GOSR2: variants seen among roughly 807,000 people sequenced by gnomAD.
GOSR2 encodes golgi SNAP receptor complex member 2, also known as 27 kDa Golgi SNARE protein.
A neutral mutation model predicts 27.9 loss-of-function variants in GOSR2; 20 were observed. That is an observed-to-expected ratio of 0.72 (90% confidence interval 0.50 to 1.04). The LOEUF is 1.04. Among genes scored for constraint, GOSR2 ranks in the 50% least tolerant of loss-of-function variants. GOSR2 has a pLI of 0.00. For synonymous variants in GOSR2, 91 were observed against 98.8 expected (o/e 0.92, Z 0.47); for missense variants, 261 against 270.5 (o/e 0.97, Z 0.25).
At position 46,942,011 on chromosome 17, in the gene GOSR2, T is replaced by A. The variant is rs2089347491; in HGVS notation, c.*3251T>A. On this transcript the variant is annotated 3_prime_UTR_variant, in exon 6 of 6. Transcript: ENST00000640051. Reference sequence around the variant, plus strand: ...TAAGTCCAAAATAAATTCTTACTGTTTATATCCTACCTTAGTCCAAAAAAG... The same window carrying A: ...TAAGTCCAAAATAAATTCTTACTGTATATATCCTACCTTAGTCCAAAAAAG... 1.1e-6 allele frequency: 1 copy of A among 948,854 alleles called. No homozygotes were observed. Among genetic ancestry groups the A allele is most frequent in the Non-Finnish European group, 1.3e-6 (1 of 796,654 alleles). 58.8% of individuals were successfully genotyped at this position (948,854 alleles called of 1,614,324 possible). A position where few individuals can be genotyped will look rare whatever the true frequency, so the allele number is the denominator to read the frequency against.
intron 6 of GOSR2, among the ~76,000 whole-genome samples, chr17:46,961,313 G>C (rs2091036956): frequency 6.6e-6 from 1 of 152,178 alleles, no homozygotes; most frequent in Non-Finnish European, 1.5e-5. Context: ...TGAGGCAGGA[G>C]GATCTCTTGA....
At chr17:46,932,249 G>T in intron 4 of GOSR2, 50 bp downstream of exon 4, 1 of 1,609,884 alleles carries the variant, frequency 6.2e-7, no homozygotes, top group Middle Eastern at 1.7e-4. Context: ...AGATCGTGGG[G>T]GCTGGAGTTC....
downstream of GOSR2, among the ~76,000 whole-genome samples, chr17:46,943,136 C>G (rs1262758728): frequency 3.9e-5 from 6 of 152,180 alleles, no homozygotes; most frequent in Admixed American, 3.9e-4. Context: ...AGAACATCAA[C>G]CCAAGGCTAG....
At position 46,932,227 on chromosome 17, in the gene GOSR2, C is replaced by T. The variant is rs776637695; in HGVS notation, c.336+28C>T. ...AAGCCAGGCCCGTGGTGAGGGTCGG[C>T]CTGCACTTGACAGATCGTGGGGGCT... On this transcript the variant is annotated intron_variant, in intron 4 of 5. Coordinates refer to ENST00000640051, the MANE Select transcript of GOSR2 (RefSeq NM_004287.5). 3 of 1,613,384 alleles carry T rather than the reference C, an allele frequency of 1.9e-6. No individual in the cohort carries two copies. In the African/African-American group the frequency reaches 4.0e-5, roughly 22 times the overall value.
chr17:46,969,172 T>C (rs2091366228), downstream of GOSR2, among the ~76,000 whole-genome samples: 1 of 152,194 alleles, frequency 6.6e-6, no homozygotes, highest in Non-Finnish European at 1.5e-5. Flanking sequence ...TCCAGATACT[T>C]CTCTCCATCC....
At position 46,940,194 on chromosome 17, in the gene GOSR2, G is replaced by C; in HGVS notation, c.*1434G>C. The C allele has an allele frequency of 7.2e-7, 1 of 1,385,180 alleles. No individual in the cohort carries two copies. Among genetic ancestry groups the C allele is most frequent in the Non-Finnish European group, 9.3e-7 (1 of 1,070,388 alleles). 85.8% of individuals were successfully genotyped at this position (1,385,180 alleles called of 1,614,324 possible). A position where few individuals can be genotyped will look rare whatever the true frequency, so the allele number is the denominator to read the frequency against. ...ACCTCTGTGGCATAGCTCCCCTTTG[G>C]TAAGTTTTCTTAATTGTCATAGATT... On this transcript the variant is annotated 3_prime_UTR_variant, in exon 6 of 6. Coordinates refer to ENST00000640051, the MANE Select transcript of GOSR2 (RefSeq NM_004287.5).
At chr17:46,927,213 T>A (rs1052238528) in intron 1 of GOSR2, among the ~76,000 whole-genome samples, 8 of 152,034 alleles carry the variant, frequency 5.3e-5, no homozygotes, top group African/African-American at 1.9e-4. Flanking sequence ...TTTTTTCATT[T>A]AAAAAAAATG....
intron 6 of GOSR2, among the ~76,000 whole-genome samples, chr17:46,962,692 A>G (rs2091133380): frequency 6.6e-6 from 1 of 152,180 alleles, no homozygotes; most frequent in Admixed American, 6.5e-5. Flanking sequence ...GTCCCTGCCA[A>G]GGTGCCAGAC....
At chr17:46,943,221 G>T (rs1051843039), downstream of GOSR2, among the ~76,000 whole-genome samples, 1 of 152,160 alleles carries the variant, frequency 6.6e-6, no homozygotes, top group Non-Finnish European at 1.5e-5. Flanking sequence ...AGGGATGGAA[G>T]CCTGATTCTC....
At chr17:46,931,862 G>T in intron 3 of GOSR2, 1 of 610,552 alleles carries the variant, frequency 1.6e-6, no homozygotes, top group Admixed American at 2.7e-5. Context: ...GGAATCTTGT[G>T]TGCTACCATC....
chr17:46,932,327 A>T (rs1293802735), intron 4 of GOSR2, 128 bp downstream of exon 4: 1 of 1,082,488 alleles, frequency 9.2e-7, no homozygotes. Flanking sequence ...CCAACTGGAA[A>T]TGACAGGAAC....
rs197922 is a variant in GOSR2 at position 46,931,204 on chromosome 17, G to A, written c.200G>A (p.Arg67Lys). Residue 67 changes from arginine to lysine, a missense_variant, in exon 3 of 6, where the codon AGA (arginine) becomes AAA (lysine). Arg to Lys is a conservative substitution (Grantham distance 26). Transcript: ENST00000640051. Reference sequence around the variant, plus strand: ...CCCCCTAACAAAAGGCAAAATGCCAGACTGTAAGTGCTGACCTCTGACATG... The same window carrying A: ...CCCCCTAACAAAAGGCAAAATGCCAAACTGTAAGTGCTGACCTCTGACATG... ...KEPPNKRQNA[R>K]LRVDQLKYDV... is the part of the protein sequence containing the mutation. 492,978 of 1,435,212 alleles carry A rather than the reference G, an allele frequency of 0.34. 85,927 individuals carry two copies. The highest frequency in any genetic ancestry group is 0.43 in the South Asian group (37,464 of 87,360). The allele number at this position is 1,435,212 out of a possible 1,614,324, so 88.9% of individuals were successfully genotyped here.
chr17:46,968,843 G>A (rs1444002924), downstream of GOSR2: 1 of 152,218 alleles, frequency 6.6e-6, no homozygotes, highest in Non-Finnish European at 1.5e-5. Flanking sequence ...TCTAATCCTG[G>A]GACCTGTCCA....
chr17:46,943,639 C>A (rs1428945784), downstream of GOSR2, among the ~76,000 whole-genome samples: 2 of 152,218 alleles, frequency 1.3e-5, no homozygotes, highest in East Asian at 2.0e-4. Context: ...ATCGGGTAAG[C>A]GGCTGCAGGA....
At chr17:46,950,267 C>T (rs143289336) in intron 6 of GOSR2, among the ~76,000 whole-genome samples, 1 of 152,234 alleles carries the variant, frequency 6.6e-6, no homozygotes. Context: ...TCCCTCCATA[C>T]TGGTCCCCAG....
chr17:46,928,081 C>T (rs958925597), intron 1 of GOSR2, among the ~76,000 whole-genome samples: 34 of 152,062 alleles, frequency 2.2e-4, no homozygotes, highest in Non-Finnish European at 4.0e-4. Flanking sequence ...ACCTCCACAC[C>T]CCCGCATCAT....
intron 6 of GOSR2, chr17:46,966,438 G>T (rs992956049): frequency 2.3e-5 from 14 of 600,566 alleles, no homozygotes; most frequent in Non-Finnish European, 3.9e-5. Context: ...GCCTTGACCT[G>T]CTGGGCTTAA....
intron 2 of GOSR2, chr17:46,930,404 C>A (rs1296686134): frequency 6.6e-6 from 1 of 152,248 alleles, no homozygotes; most frequent in Non-Finnish European, 1.5e-5. Flanking sequence ...CTCATTGTTA[C>A]ATGATTAGAA....
At chr17:46,960,150 C>G (rs564871990) in intron 6 of GOSR2, among the ~76,000 whole-genome samples, 15 of 152,238 alleles carry the variant, frequency 9.9e-5, no homozygotes, top group Admixed American at 3.9e-4. Context: ...AAAGAGCTCT[C>G]AAAGCTCAAC....
Sources: allele counts gnomAD v4.1 joint callset (sites outside exome capture counted in the v4.1 genomes callset), GRCh38; gene constraint gnomAD v4.1.1; transcripts MANE v1.5; gene names NCBI Gene and HGNC (gene_info 2026-07-23, HGNC 2026-07-21).